The following SSR2 variants were observed in gnomAD, a reference collection of about 807,000 sequenced individuals.
SSR2 encodes the protein translocon-associated protein subunit beta.
In SSR2, 16 loss-of-function variants were observed where a neutral mutation model predicts 22.6. The ratio of observed to expected loss-of-function variants is 0.71; its 90% CI spans 0.48 to 1.08. The LOEUF (loss-of-function observed/expected upper bound fraction) is 1.08. Among genes scored for constraint, SSR2 ranks in the 50% least tolerant of loss-of-function variants. The pLI, the probability that SSR2 is intolerant of heterozygous loss-of-function variation, is 0.00. For synonymous variants in SSR2, 83 were observed against 91.2 expected (o/e 0.91, Z 0.51); for missense variants, 171 against 221.6 (o/e 0.77, Z 1.45).
At chr1:156,015,558 A>G (rs1683043302) in intron 3 of SSR2, among the ~76,000 whole-genome samples, 1 of 121,702 alleles carries the variant, frequency 8.2e-6, no homozygotes. Context: ...ATATATATAT[A>G]GGCTTCTTTT....
chr1:156,020,370 C>T, intron 1 of SSR2: 1 of 554,394 alleles, frequency 1.8e-6, no homozygotes, highest in Non-Finnish European at 3.2e-6. Flanking sequence ...AAAACCGGTA[C>T]AAGCACCAAT....
chr1:156,020,050 G>GGTCTCGTCCCTCCACGGCGTATCT lies in SSR2; in HGVS notation c.94_117dup (p.Arg32_Asp39dup), dbSNP rs1240720426. ...TTGTAGATGTTGTACTGCAAGGTCA[G>GGTCTCGTCCCTCCACGGCGTATCT]GTCTCGTCCCTCCACGGCGTATCTG... On this transcript the variant is annotated inframe_insertion, in exon 2 of 6. Coordinates refer to ENST00000295702, the MANE Select transcript of SSR2 (RefSeq NM_003145.4). 1 of 1,614,090 alleles carries GGTCTCGTCCCTCCACGGCGTATCT rather than the reference G, an allele frequency of 6.2e-7. No homozygotes were observed. The highest frequency in any genetic ancestry group is 8.5e-7 in the Non-Finnish European group (1 of 1,180,016).
rs1386184267 is a variant in SSR2 at position 156,020,156 on chromosome 1, C to T, written c.12G>A (p.Leu4=). MRL[L]SFVVLALFAV... ...CAAATAGAGCCAACACCACAAATGA[C>T]AGCAGCCTCATCTTTAGAGAAAAAA... Residue 4 remains leucine, a synonymous_variant, in exon 2 of 6, where the codon CTG becomes CTA. Transcript: ENST00000295702. 1 of 1,613,580 alleles carries T rather than the reference C, an allele frequency of 6.2e-7. No homozygotes were observed. The highest frequency in any genetic ancestry group is 1.7e-5 in the Admixed American group (1 of 59,816).
At chr1:156,013,623 G>T (rs1683009865) in intron 4 of SSR2, 1 of 153,490 alleles carries the variant, frequency 6.5e-6, no homozygotes, top group Admixed American at 6.6e-5. Context: ...TGAGTTGGGG[G>T]AGAAGGTATG....
intron 2 of SSR2, 40 bp from the exon 3 acceptor site, chr1:156,018,408 G>T: frequency 6.5e-7 from 1 of 1,550,186 alleles, no homozygotes; most frequent in South Asian, 1.1e-5. Context: ...GTAAGTAATG[G>T]ATATAAAATT....
intron 3 of SSR2, among the ~76,000 whole-genome samples, chr1:156,015,522 AAAAAAAAAAAAAAAT>A (rs1683040327): frequency 1.7e-5 from 2 of 118,736 alleles, no homozygotes; most frequent in South Asian, 5.1e-4. Context: ...AAAAAAAAAA[AAAAAAAAAAAAAAAT>A]ATATATATAT....
chr1:156,015,217 G>C (rs1395930920), intron 3 of SSR2, 148 bp from the exon 4 acceptor site: 1 of 659,624 alleles, frequency 1.5e-6, no homozygotes, highest in Non-Finnish European at 2.6e-6. Flanking sequence ...AAAAATATAG[G>C]CTTCTTTGCC....
At chr1:156,018,427 C>T in intron 2 of SSR2, 59 bp from the exon 3 acceptor site, 6 of 1,452,490 alleles carry the variant, frequency 4.1e-6, no homozygotes, top group Non-Finnish European at 5.7e-6. Flanking sequence ...TTAAAGCAGG[C>T]CGGGCGCCGT....
At chr1:156,019,826 T>C (rs944977304) in intron 2 of SSR2, among the ~76,000 whole-genome samples, 187 bp downstream of exon 2, 2 of 152,340 alleles carry the variant, frequency 1.3e-5, no homozygotes, top group African/African-American at 4.8e-5. Context: ...AGATGGTTTC[T>C]TGTAGCTTAG....
At chr1:156,020,761 C>A in intron 1 of SSR2, 127 bp downstream of exon 1, 1 of 410,534 alleles carries the variant, frequency 2.4e-6, no homozygotes, top group South Asian at 1.8e-5. Flanking sequence ...TGCAAGGTTA[C>A]ACGTCCTCCA....
At chr1:156,013,363 T>G (rs1572256134) in intron 4 of SSR2, 1 of 152,290 alleles carries the variant, frequency 6.6e-6, no homozygotes. Context: ...GAAGTGGAGG[T>G]TGCAGTGAGC....
rs538591981 is a variant in SSR2 at position 156,019,529 on chromosome 1, C to T, written c.155+484G>A. 2.6e-4 allele frequency among the ~76,000 whole-genome samples: 40 copies of T among 152,178 alleles called. No individual in the cohort carries two copies. The East Asian group carries it at 2.7e-3, about 10-fold the overall frequency. ...CCTCCCGAGTAGCTGGGACTACAGG[C>T]GTCCGCCACCACGCCTGGCTAATTT... On this transcript the variant is annotated intron_variant, in intron 2 of 5. Transcript: ENST00000295702.
At chr1:156,015,400 G>A (rs1475855834) in intron 3 of SSR2, among the ~76,000 whole-genome samples, 4 of 149,112 alleles carry the variant, frequency 2.7e-5, no homozygotes, top group Non-Finnish European at 4.4e-5. Flanking sequence ...CCAGCTACTC[G>A]GGAGGCTGAG....
intron 3 of SSR2, 109 bp downstream of exon 3, chr1:156,018,161 G>T: frequency 1.3e-6 from 1 of 761,150 alleles, no homozygotes; most frequent in South Asian, 1.5e-5. Flanking sequence ...CCAGAGAGAT[G>T]ACAGGAGGAC....
Position 156,009,490 on chromosome 1 carries a change from T to C in SSR2, c.*50A>G. 7.0e-7 allele frequency: 1 copy of C among 1,419,036 alleles called. No individual in the cohort carries two copies. Among genetic ancestry groups the C allele is most frequent in the African/African-American group, 1.4e-5 (1 of 70,830 alleles). 87.9% of individuals were successfully genotyped at this position (1,419,036 alleles called of 1,614,324 possible). ...GAGTCTGGAAAGCACCTGGATTTCT[T>C]GGGAGAGGAGCCTGGATTTCTTGGG... is the stretch of plus-strand genomic sequence containing the variant. On this transcript the variant is annotated 3_prime_UTR_variant, in exon 6 of 6. Coordinates refer to ENST00000295702, the MANE Select transcript of SSR2 (RefSeq NM_003145.4).
intron 3 of SSR2, among the ~76,000 whole-genome samples, chr1:156,016,954 T>G (rs1181785130): frequency 6.6e-6 from 1 of 152,236 alleles, no homozygotes; most frequent in Non-Finnish European, 1.5e-5. Flanking sequence ...CTGTACAGCC[T>G]GCAGAACCGT....
At chr1:156,016,185 T>G (rs1683052199) in intron 3 of SSR2, among the ~76,000 whole-genome samples, 1 of 152,074 alleles carries the variant, frequency 6.6e-6, no homozygotes, top group Non-Finnish European at 1.5e-5. Flanking sequence ...AATCAGTGCT[T>G]CTTCTTGGAT....
chr1:156,009,932 C>A (rs1258695224), intron 5 of SSR2, among the ~76,000 whole-genome samples: 1 of 152,228 alleles, frequency 6.6e-6, no homozygotes, highest in African/African-American at 2.4e-5. Context: ...TGCCACCACA[C>A]CTGGCTAATT....
intron 5 of SSR2, chr1:156,011,253 C>CA (rs1228346299): frequency 6.6e-6 from 1 of 152,662 alleles, no homozygotes; most frequent in Non-Finnish European, 1.5e-5. Context: ...CTCTGCCTCC[C>CA]AAAGCACTGG....
Sources: allele counts gnomAD v4.1 joint callset (sites outside exome capture counted in the v4.1 genomes callset), GRCh38; gene constraint gnomAD v4.1.1; transcripts MANE v1.5; gene names NCBI Gene and HGNC (gene_info 2026-07-23, HGNC 2026-07-21).